Variants in SNX8 observed in about 807,000 individuals in gnomAD.
SNX8 encodes the protein sorting nexin 8, also known as sorting nexin-8.
In SNX8, 25 loss-of-function variants were observed where a neutral mutation model predicts 51.6. That is an observed-to-expected ratio of 0.48 (90% CI 0.35 to 0.68). The LOEUF (loss-of-function observed/expected upper bound fraction) is 0.68, where lower values mean the gene tolerates loss of function less well. SNX8 is among the 30% of genes least tolerant of loss of function. The probability of loss-of-function intolerance (pLI) is 0.00; values close to 1 mark genes in which losing one functional copy is unlikely to be tolerated. For missense variants in SNX8, 695 were observed against 624.0 expected, an observed-to-expected ratio of 1.11 and a Z score of -1.21; for synonymous variants, 324 against 277.0, an observed-to-expected ratio of 1.17 and a Z score of -1.68.
chr7:2,276,741 T>A (rs1233800019), intron 2 of SNX8, among the ~76,000 whole-genome samples: 2 of 151,294 alleles, frequency 1.3e-5, no homozygotes, highest in Non-Finnish European at 1.5e-5. Flanking sequence ...GCCCAGGAGC[T>A]CAAGACCAGC....
Position 2,252,711 on chromosome 7 carries a change from G to GCTCTCCTCACCCCTGCCCTCTTGCT in SNX8, c.*2320_*2344dup, listed in dbSNP as rs564701450. ...CCTGCCTTCCCACCCCTGCCCTCTT[G>GCTCTCCTCACCCCTGCCCTCTTGCT]CTCTCCTCACCCCTGCCCTCTTGCT... is the stretch of plus-strand genomic sequence containing the variant. On this transcript the variant is annotated 3_prime_UTR_variant, in exon 11 of 11. Transcript: ENST00000222990. 3 of 119,078 alleles carry GCTCTCCTCACCCCTGCCCTCTTGCT rather than the reference G, an allele frequency of 2.5e-5. No homozygotes were observed. The highest frequency in any genetic ancestry group is 8.7e-5 in the Admixed American group (1 of 11,474). 7.4% of individuals were successfully genotyped at this position (119,078 alleles called of 1,614,324 possible). A position where few individuals can be genotyped will look rare whatever the true frequency, so the allele number is the denominator to read the frequency against.
intron 3 of SNX8, 104 bp from the exon 4 acceptor site, chr7:2,272,075 A>C (rs7811591): frequency 1.3e-6 from 2 of 1,493,976 alleles, no homozygotes; most frequent in East Asian, 2.3e-5. Flanking sequence ...CAGAGGGCCC[A>C]GCGGCTAGCA....
At chr7:2,334,750 G>T (rs1287618529) in intron 1 of SNX8, among the ~76,000 whole-genome samples, 1 of 151,168 alleles carries the variant, frequency 6.6e-6, no homozygotes, top group Non-Finnish European at 1.5e-5. Context: ...CATGTCTGTG[G>T]TCCCAGCTAC....
chr7:2,321,258 G>A (rs927347580), intron 1 of SNX8, among the ~76,000 whole-genome samples: 17 of 152,156 alleles, frequency 1.1e-4, no homozygotes, highest in African/African-American at 2.4e-4. Context: ...CCAGAATGCC[G>A]ACAGGAGAGA....
intron 1 of SNX8, among the ~76,000 whole-genome samples, chr7:2,311,200 G>T (rs773969974): frequency 2.8e-4 from 42 of 152,216 alleles, no homozygotes; most frequent in Admixed American, 1.5e-3. Context: ...AGATTTCACA[G>T]TTCCCACATG....
chr7:2,345,759 T>C lies in SNX8; in HGVS notation c.-66+8463A>G, dbSNP rs574501492. Among the ~76,000 whole-genome samples, 28 of 152,234 alleles carry C rather than the reference T, an allele frequency of 1.8e-4. 1 individual carries two copies. The South Asian group carries it at 5.6e-3, about 30-fold the overall frequency. ...CAACATTCTGGTTGTGATATTATTG[T>C]GTACTTCTGCATCATTAGAGGATAC... On this transcript the variant is annotated intron_variant, in intron 1 of 5. Transcript: ENST00000435336.
upstream of SNX8, among the ~76,000 whole-genome samples, chr7:2,315,794 GCATT>G (rs1230709240): frequency 4.6e-5 from 6 of 129,118 alleles, no homozygotes; most frequent in East Asian, 2.4e-4. Flanking sequence ...ACTGCATCCT[GCATT>G]CATTCATTCA....
chr7:2,326,500 C>T (rs1247772965), intron 1 of SNX8, among the ~76,000 whole-genome samples: 1 of 151,476 alleles, frequency 6.6e-6, no homozygotes, highest in Non-Finnish European at 1.5e-5. Context: ...CCCGTCTCTA[C>T]TAAAAATACA....
At chr7:2,307,494 C>T (rs1228134559) in intron 1 of SNX8, among the ~76,000 whole-genome samples, 15 of 151,634 alleles carry the variant, frequency 9.9e-5, no homozygotes, top group Admixed American at 8.6e-4. Flanking sequence ...TAGCCAGGTG[C>T]GGTGGTGGAC....
intron 1 of SNX8, among the ~76,000 whole-genome samples, chr7:2,328,658 C>A (rs1309179039): frequency 6.6e-6 from 1 of 150,870 alleles, no homozygotes; most frequent in Admixed American, 6.6e-5. Flanking sequence ...ATTAAAAATA[C>A]AAAAAATTGC....
At chr7:2,330,217 A>G (rs1259595902) in intron 1 of SNX8, among the ~76,000 whole-genome samples, 8 of 146,494 alleles carry the variant, frequency 5.5e-5, no homozygotes, top group Non-Finnish European at 1.2e-4. Flanking sequence ...GGCTCACCAC[A>G]ACCTCCACTT....
chr7:2,282,366 G>A (rs773868577), intron 1 of SNX8, among the ~76,000 whole-genome samples: 1 of 152,170 alleles, frequency 6.6e-6, no homozygotes, highest in Non-Finnish European at 1.5e-5. Flanking sequence ...AGCTGTCACA[G>A]AAACCAGGCA....
At chr7:2,321,828 A>G (rs1006270362) in intron 1 of SNX8, among the ~76,000 whole-genome samples, 28 of 147,420 alleles carry the variant, frequency 1.9e-4, no homozygotes, top group African/African-American at 7.1e-4. Flanking sequence ...GGTTCAATCA[A>G]TTCTCCTGCC....
intron 1 of SNX8, among the ~76,000 whole-genome samples, chr7:2,301,357 C>A (rs1330212501): frequency 6.6e-6 from 1 of 152,222 alleles, no homozygotes; most frequent in Admixed American, 6.6e-5. Flanking sequence ...ACAAGGCAGG[C>A]CAGCCCCCAA....
At chr7:2,273,799 G>C (rs1435738838) in intron 3 of SNX8, among the ~76,000 whole-genome samples, 2 of 151,668 alleles carry the variant, frequency 1.3e-5, no homozygotes, top group Non-Finnish European at 1.5e-5. Flanking sequence ...AGCTACGCGG[G>C]AGGCTGAGGC....
At chr7:2,263,141 T>C in intron 7 of SNX8, 89 bp downstream of exon 7, 1 of 1,451,582 alleles carries the variant, frequency 6.9e-7, no homozygotes, top group Non-Finnish European at 9.4e-7. Flanking sequence ...AAAAACGAAC[T>C]GTGACGCCCA....
chr7:2,275,357 G>C lies in SNX8; in HGVS notation c.301-128C>G, dbSNP rs973303383. On this transcript the variant is annotated intron_variant, in intron 2 of 10. Coordinates refer to ENST00000222990, the MANE Select transcript of SNX8 (RefSeq NM_013321.4). ...TCTCTCACCAGGCCTTTACTAAATG[G>C]AGAAACCCTGTGACGGCTTCGTATA... 7 of 711,134 alleles carry C rather than the reference G, an allele frequency of 9.8e-6. No individual in the cohort carries two copies. The East Asian group carries it at 1.7e-4, about 18-fold the overall frequency. The allele number at this position is 711,134 out of a possible 1,614,324, so 44.1% of individuals were successfully genotyped here.
chr7:2,335,407 G>A (rs967630172), intron 1 of SNX8, among the ~76,000 whole-genome samples: 2 of 152,098 alleles, frequency 1.3e-5, no homozygotes, highest in African/African-American at 2.4e-5. Flanking sequence ...CCAGCACTTT[G>A]GGAGGCCTAG....
chr7:2,344,374 G>A (rs1347612873), intron 1 of SNX8, among the ~76,000 whole-genome samples: 1 of 148,342 alleles, frequency 6.7e-6, no homozygotes. Context: ...CACTTTGGGA[G>A]GCCCAGACGG....
Sources: allele counts gnomAD v4.1 joint callset (sites outside exome capture counted in the v4.1 genomes callset), GRCh38; gene constraint gnomAD v4.1.1; transcripts MANE v1.5; gene names NCBI Gene and HGNC (gene_info 2026-07-23, HGNC 2026-07-21).